The following PLXNA2 variants were observed in gnomAD, a reference collection of about 807,000 sequenced individuals.
The protein encoded by PLXNA2 is plexin A2, also known as plexin-A2.
PLXNA2 carries 91 observed loss-of-function variants against 193.5 expected under a neutral mutation model. The observed-to-expected ratio is 0.47, with a 90% CI of 0.40 to 0.56. PLXNA2 has a LOEUF of 0.56. PLXNA2 is among the 20% of genes least tolerant of loss of function. The pLI, the probability that PLXNA2 is intolerant of heterozygous loss-of-function variation, is 0.00. For missense variants in PLXNA2, 1,995 were observed against 2,503.2 expected (o/e 0.80, Z 4.33); for synonymous variants, 997 against 1,027.3 (o/e 0.97, Z 0.56).
At chr1:208,165,275 C>T (rs557933337) in intron 3 of PLXNA2, among the ~76,000 whole-genome samples, 1 of 152,184 alleles carries the variant, frequency 6.6e-6, no homozygotes, top group East Asian at 1.9e-4. Context: ...AAGTAAGTCT[C>T]AGAGGGGAGG....
intron 5 of PLXNA2, among the ~76,000 whole-genome samples, chr1:208,102,520 T>C (rs1053563697): frequency 2.0e-5 from 3 of 152,236 alleles, no homozygotes; most frequent in Admixed American, 1.3e-4. Context: ...CTTAGAATCA[T>C]AAAATAATGA....
Position 208,028,764 on chromosome 1 carries a change from A to C in PLXNA2, c.5438+66T>G, listed in dbSNP as rs1664415240. 5.7e-6 allele frequency: 8 copies of C among 1,413,920 alleles called. No homozygotes were observed. The East Asian group carries it at 1.8e-4, about 32-fold the overall frequency. 87.6% of individuals were successfully genotyped at this position (1,413,920 alleles called of 1,614,324 possible). The stretch of plus-strand genomic sequence containing the variant: ...CCGTCGTCTGAGTCCTTAGTCAGTG[A>C]TGACTATAGAGCGGGGAATGGGCAG... On this transcript the variant is annotated intron_variant, in intron 30 of 31. Transcript: ENST00000367033. This position sits in a 1 kb window ranked among gnomAD's most constrained non-coding sequence, Gnocchi z 4.2.
intron 4 of PLXNA2, among the ~76,000 whole-genome samples, chr1:208,128,753 G>T (rs1451798007): frequency 7.3e-6 from 1 of 137,912 alleles, no homozygotes; most frequent in African/African-American, 2.7e-5. Flanking sequence ...CCAGGCTGGA[G>T]TGCAGTGGAG....
In PLXNA2 at chr1:208,034,575, C is replaced by A. The variant is rs1363317946; in HGVS notation, c.4782G>T (p.Val1594=). Residue 1594 remains valine, a synonymous_variant, in exon 27 of 32, where the codon GTG becomes GTT. Transcript: ENST00000367033. The part of the protein sequence containing the change: ...LMHYQVSDRS[V]VALVPKQTSS... ...AGGTCTGTTTGGGGACCAGAGCCAC[C>A]ACCGACCTGTCTGACACCTGAGAAG... 3.1e-6 allele frequency: 5 copies of A among 1,613,084 alleles called. No homozygotes were observed. Among genetic ancestry groups the A allele is most frequent in the South Asian group, 2.2e-5 (2 of 91,052 alleles).
intron 4 of PLXNA2, among the ~76,000 whole-genome samples, chr1:208,120,303 A>C (rs1667767110): frequency 6.6e-6 from 1 of 152,262 alleles, no homozygotes; most frequent in Admixed American, 6.5e-5. Flanking sequence ...TGTGAAAATT[A>C]AGCTGGAGCC....
rs369689121 is a variant in PLXNA2, at chr1:208,152,409, G to T, written c.1372-9946C>A. 5.3e-5 allele frequency among the ~76,000 whole-genome samples: 8 copies of T among 151,984 alleles called. No homozygotes were observed. In the East Asian group the frequency reaches 1.5e-3, roughly 29 times the overall value. Reference sequence around the variant, plus strand: ...GCTGAGTCTTTATTGCCTCTTATCTGGGCTACTGCAATAACCTGAGAAATC... The same window carrying T: ...GCTGAGTCTTTATTGCCTCTTATCTTGGCTACTGCAATAACCTGAGAAATC... On this transcript the variant is annotated intron_variant, in intron 3 of 31. Coordinates refer to ENST00000367033, the MANE Select transcript of PLXNA2 (RefSeq NM_025179.4).
At chr1:208,172,550 C>T (rs867915006) in intron 3 of PLXNA2, among the ~76,000 whole-genome samples, 9 of 152,148 alleles carry the variant, frequency 5.9e-5, no homozygotes, top group South Asian at 2.1e-4. Flanking sequence ...CAGGCTGAGC[C>T]GAGCACATGC....
At chr1:208,099,092 CTT>C in intron 5 of PLXNA2, 123 bp from the exon 6 acceptor site, 1 of 1,226,580 alleles carries the variant, frequency 8.2e-7, no homozygotes, top group Non-Finnish European at 1.1e-6. Flanking sequence ...CTCAAGAAGA[CTT>C]TTACTGTACT....
intron 3 of PLXNA2, among the ~76,000 whole-genome samples, chr1:208,198,402 T>C (rs538794972): frequency 6.6e-6 from 1 of 152,346 alleles, no homozygotes; most frequent in African/African-American, 2.4e-5. Context: ...TGATGGGCCC[T>C]GGCCCCACGC....
chr1:208,166,611 C>T (rs1669318615), intron 3 of PLXNA2, among the ~76,000 whole-genome samples: 2 of 152,128 alleles, frequency 1.3e-5, no homozygotes, highest in South Asian at 4.1e-4. Context: ...GAAAATGCCT[C>T]TGAGTTCAAA....
chr1:208,155,700 C>T (rs993378823), intron 3 of PLXNA2, among the ~76,000 whole-genome samples: 5 of 152,216 alleles, frequency 3.3e-5, no homozygotes, highest in African/African-American at 9.6e-5. Context: ...TGGCCCAACA[C>T]CCGGCTGCAC....
At chr1:208,042,387 G>A (rs1664900727) in intron 21 of PLXNA2, 21 bp from the exon 22 acceptor site, 1 of 1,607,968 alleles carries the variant, frequency 6.2e-7, no homozygotes, top group Admixed American at 1.7e-5. Flanking sequence ...GTGTGGTGGA[G>A]GCGACGCCCT....
chr1:208,085,426 T>A (rs1385865318), intron 9 of PLXNA2, among the ~76,000 whole-genome samples: 1 of 152,174 alleles, frequency 6.6e-6, no homozygotes, highest in Non-Finnish European at 1.5e-5. Context: ...TCTGTCCCCT[T>A]CTCCTGGGCA....
chr1:208,142,583 A>G (rs944087360), intron 3 of PLXNA2, 120 bp from the exon 4 acceptor site: 36 of 955,726 alleles, frequency 3.8e-5, no homozygotes, highest in Non-Finnish European at 5.0e-5. Context: ...TCACTACTCC[A>G]TAGACTGAAG....
At chr1:208,101,540 G>C (rs531018812) in intron 5 of PLXNA2, among the ~76,000 whole-genome samples, 1 of 152,302 alleles carries the variant, frequency 6.6e-6, no homozygotes, top group African/African-American at 2.4e-5. Context: ...GGAGTTAAGG[G>C]GACAGAGGAA....
chr1:208,239,144 T>A lies in PLXNA2; in HGVS notation c.-81+4499A>T, dbSNP rs1477489246. On this transcript the variant is annotated intron_variant, in intron 1 of 31. Transcript: ENST00000367033. ...CGAATATATCTCATCTATTAATATT[T>A]TTTTTCTTCTAAAAAAAAAAAAAAG... is the stretch of plus-strand genomic sequence containing the variant. Among the ~76,000 whole-genome samples, 6 of 133,884 alleles carry A rather than the reference T, an allele frequency of 4.5e-5. No individual in the cohort carries two copies. In the East Asian group the frequency reaches 1.2e-3, roughly 27 times the overall value. 87.8% of individuals were successfully genotyped at this position (133,884 alleles called of 152,430 possible).
At chr1:208,191,866 G>A (rs1288790520) in intron 3 of PLXNA2, among the ~76,000 whole-genome samples, 1 of 152,156 alleles carries the variant, frequency 6.6e-6, no homozygotes, top group Non-Finnish European at 1.5e-5. Flanking sequence ...GCACGGGGCA[G>A]GGCGAGGGGT....
At chr1:208,159,067 T>C (rs751051296) in intron 3 of PLXNA2, among the ~76,000 whole-genome samples, 2 of 152,184 alleles carry the variant, frequency 1.3e-5, no homozygotes, top group Non-Finnish European at 2.9e-5. Flanking sequence ...GGTCAAAGGT[T>C]ACTGAAATAT....
intron 3 of PLXNA2, among the ~76,000 whole-genome samples, chr1:208,165,632 G>A (rs1022200285): frequency 2.1e-4 from 32 of 152,036 alleles, no homozygotes; most frequent in Admixed American, 2.6e-4. Flanking sequence ...TCAAAACCCC[G>A]CAAGCCCAGC....
Sources: gnomAD v4.1 joint callset for allele counts (sites outside exome capture counted in the v4.1 genomes callset) on GRCh38, gnomAD v4.1.1 for gene constraint, Gnocchi (gnomAD v3.1) non-coding constraint, MANE v1.5 for transcripts, NCBI Gene and HGNC (gene_info 2026-07-23, HGNC 2026-07-21) for gene names.